The following SLC4A10 variants were observed in gnomAD, a reference collection of about 807,000 sequenced individuals.
SLC4A10 encodes the protein sodium-driven chloride bicarbonate exchanger.
Under a neutral mutation model 137.7 loss-of-function variants are expected in SLC4A10, and 42 were observed. The ratio of observed to expected loss-of-function variants is 0.30; its 90% confidence interval spans 0.24 to 0.39. The LOEUF (loss-of-function observed/expected upper bound fraction) is 0.39, where lower values mean the gene tolerates loss of function less well. Ranked by LOEUF, SLC4A10 falls within the 10% of genes least tolerant of loss-of-function variation. SLC4A10 has a pLI of 1.00. For synonymous variants in SLC4A10, 474 were observed against 464.1 expected, an observed-to-expected ratio of 1.02 and a Z score of -0.27; for missense variants, 925 against 1,355.0, an observed-to-expected ratio of 0.68 and a Z score of 4.98.
At chr2:161,829,534 T>G (rs1316230663) in intron 3 of SLC4A10, among the ~76,000 whole-genome samples, 1 of 152,186 alleles carries the variant, frequency 6.6e-6, no homozygotes, top group Non-Finnish European at 1.5e-5. Flanking sequence ...TTGTCATGGA[T>G]TCTCATGAAT....
intron 6 of SLC4A10, among the ~76,000 whole-genome samples, chr2:161,866,706 T>A (rs1191045148): frequency 6.6e-6 from 1 of 151,930 alleles, no homozygotes; most frequent in African/African-American, 2.4e-5. Context: ...TTATTTGAAT[T>A]AGGAAGATTT....
Position 161,929,326 on chromosome 2 carries a change from G to A in SLC4A10, c.1998-13466G>A, listed in dbSNP as rs193089527. ...TGAATTCATGACAATGCTGGGTTAG[G>A]AACCGAGGCAGATCCACTATGCTTC... On this transcript the variant is annotated intron_variant, in intron 15 of 26. Transcript: ENST00000446997. Among the ~76,000 whole-genome samples, 89 of 152,326 alleles carry A rather than the reference G, an allele frequency of 5.8e-4. 1 individual carries two copies. The Middle Eastern group carries it at 0.014, about 23-fold the overall frequency.
At chr2:161,669,876 T>C (rs189566969) in intron 1 of SLC4A10, among the ~76,000 whole-genome samples, 153 of 152,216 alleles carry the variant, frequency 1.0e-3, no homozygotes, top group Non-Finnish European at 1.8e-3. Context: ...TGGTTTGTTA[T>C]ATTTGGCAAT....
chr2:161,927,195 C>A (rs1689320854), intron 15 of SLC4A10, among the ~76,000 whole-genome samples: 1 of 152,188 alleles, frequency 6.6e-6, no homozygotes, highest in Admixed American at 6.5e-5. Context: ...TTCAGGTACA[C>A]CAATCGGACG....
chr2:161,885,263 G>A (rs1375924489), intron 10 of SLC4A10, among the ~76,000 whole-genome samples: 2 of 146,628 alleles, frequency 1.4e-5, no homozygotes, highest in African/African-American at 2.5e-5. Context: ...AATTTAATAT[G>A]TTGATTCATA....
chr2:161,837,852 A>T (rs1476751556), intron 3 of SLC4A10, among the ~76,000 whole-genome samples: 1 of 152,170 alleles, frequency 6.6e-6, no homozygotes, highest in African/African-American at 2.4e-5. Context: ...TTAGGTCATG[A>T]GGGTGAAGCC....
chr2:161,788,886 G>A (rs1409222017), intron 2 of SLC4A10, among the ~76,000 whole-genome samples: 2 of 152,148 alleles, frequency 1.3e-5, no homozygotes, highest in Non-Finnish European at 2.9e-5. Flanking sequence ...GTGCAATCAG[G>A]TCAGCCCTCA....
chr2:161,975,572 A>G (rs937781758), intron 24 of SLC4A10, among the ~76,000 whole-genome samples: 1 of 152,174 alleles, frequency 6.6e-6, no homozygotes, highest in Non-Finnish European at 1.5e-5. Context: ...TTACCAGGAA[A>G]CTATCTTTCT....
rs541850074 is a variant in SLC4A10 at position 161,655,083 on chromosome 2, C to T, written c.48+30517C>T. On this transcript the variant is annotated intron_variant, in intron 1 of 26. Transcript: ENST00000446997. Reference sequence around the variant, plus strand: ...CTTTTGTAAGTTTCAATGTACAGGTCTTTCACCTCCTTGGTTAAATTTATT... The same window carrying T: ...CTTTTGTAAGTTTCAATGTACAGGTTTTTCACCTCCTTGGTTAAATTTATT... Among the ~76,000 whole-genome samples the T allele has an allele frequency of 2.0e-3, 305 of 152,034 alleles. 4 individuals carry two copies. The highest frequency in any genetic ancestry group is 1.9e-4 in the Non-Finnish European group (13 of 67,956).
At chr2:161,738,714 C>T (rs185777550) in intron 1 of SLC4A10, among the ~76,000 whole-genome samples, 6 of 152,222 alleles carry the variant, frequency 3.9e-5, no homozygotes, top group Admixed American at 2.6e-4. Context: ...TTAGTCATTC[C>T]TTTACCCTCA....
At chr2:161,910,529 A>C (rs1052945527) in intron 15 of SLC4A10, among the ~76,000 whole-genome samples, 4 of 152,156 alleles carry the variant, frequency 2.6e-5, no homozygotes, top group African/African-American at 9.6e-5. Context: ...GGAATAATAA[A>C]GTTTTGAAAG....
At chr2:161,661,025 G>A (rs767882007) in intron 1 of SLC4A10, among the ~76,000 whole-genome samples, 1 of 151,768 alleles carries the variant, frequency 6.6e-6, no homozygotes, top group Admixed American at 6.6e-5. Flanking sequence ...AAGATTTCAG[G>A]AGCACCCCAG....
At chr2:161,832,315 A>G (rs950739303) in intron 3 of SLC4A10, among the ~76,000 whole-genome samples, 2 of 152,200 alleles carry the variant, frequency 1.3e-5, no homozygotes, top group African/African-American at 4.8e-5. Context: ...GCTAGCATCC[A>G]TAAAACTGGC....
chr2:161,904,793 C>T lies in SLC4A10; in HGVS notation c.1635C>T (p.Leu545=), dbSNP rs180812489. 1 of 1,613,982 alleles carries T rather than the reference C, an allele frequency of 6.2e-7. No homozygotes were observed. The highest frequency in any genetic ancestry group is 8.5e-7 in the Non-Finnish European group (1 of 1,179,870). ...CTACACAGAGTGCAATTGAATCTCT[C>T]TTTGGAGCATCCATGACCGGGATAG... ...TEGRISAIES[L]FGASMTGIAY... Residue 545 remains leucine (L), a synonymous_variant, in exon 14 of 27, where the codon CTC becomes CTT. Transcript: ENST00000446997.
intron 3 of SLC4A10, among the ~76,000 whole-genome samples, chr2:161,813,564 C>A (rs2056761965): frequency 6.6e-6 from 1 of 152,074 alleles, no homozygotes; most frequent in Non-Finnish European, 1.5e-5. Flanking sequence ...AAAAAAATGA[C>A]AATTTGGCAT....
intron 23 of SLC4A10, among the ~76,000 whole-genome samples, chr2:161,972,523 A>C (rs985129005): frequency 6.6e-6 from 1 of 152,180 alleles, no homozygotes; most frequent in Non-Finnish European, 1.5e-5. Context: ...TAGTGTGGCC[A>C]AGTGACAAGG....
intron 1 of SLC4A10, among the ~76,000 whole-genome samples, chr2:161,645,392 A>G (rs1388952261): frequency 2.6e-5 from 4 of 152,046 alleles, no homozygotes. Context: ...CTATATATAT[A>G]TGGATTATGA....
chr2:161,978,384 C>CAAAA (rs61399867), intron 26 of SLC4A10, among the ~76,000 whole-genome samples: 20,724 of 89,992 alleles, frequency 0.23, 3,131 homozygotes, highest in Admixed American at 0.35. Flanking sequence ...GAGACTCTGT[C>CAAAA]AAAAAAAAAA....
chr2:161,653,337 T>C (rs1393861672), intron 1 of SLC4A10, among the ~76,000 whole-genome samples: 1 of 152,248 alleles, frequency 6.6e-6, no homozygotes, highest in South Asian at 2.1e-4. Flanking sequence ...TATAGTAGAA[T>C]GATTTATAAT....
Sources: allele counts gnomAD v4.1 joint callset (sites outside exome capture counted in the v4.1 genomes callset), GRCh38; gene constraint gnomAD v4.1.1; transcripts MANE v1.5; gene names NCBI Gene and HGNC (gene_info 2026-07-23, HGNC 2026-07-21).